CCDC73: variants seen among roughly 807,000 people sequenced by gnomAD.
CCDC73 encodes the protein coiled-coil domain-containing protein 73.
Under a neutral mutation model 116.5 loss-of-function variants are expected in CCDC73, and 95 were observed. That is an observed-to-expected ratio of 0.82 (90% CI 0.69 to 0.97). CCDC73 has a LOEUF of 0.97. CCDC73 is among the 50% of genes least tolerant of loss of function. CCDC73 has a pLI of 0.00. For missense variants in CCDC73, 1,066 were observed against 1,206.8 expected (o/e 0.88, Z 1.73); for synonymous variants, 398 against 401.3 (o/e 0.99, Z 0.10).
At chr11:32,665,511 G>A (rs1041986389) in intron 9 of CCDC73, among the ~76,000 whole-genome samples, 1 of 152,044 alleles carries the variant, frequency 6.6e-6, no homozygotes, top group Admixed American at 6.6e-5. Flanking sequence ...CATTTGCTTG[G>A]TAGATCTTCC....
At chr11:32,743,622 C>T (rs559063185) in intron 2 of CCDC73, among the ~76,000 whole-genome samples, 30 of 152,314 alleles carry the variant, frequency 2.0e-4, no homozygotes, top group Non-Finnish European at 4.1e-4. Context: ...AGGTCCTTCA[C>T]ATCCCTTGTA....
chr11:32,811,366 T>C, the CCDC73 span, among the ~76,000 whole-genome samples: 1 of 152,134 alleles, frequency 6.6e-6, no homozygotes, highest in Non-Finnish European at 1.5e-5. Context: ...ATAATAAACA[T>C]ACATGTTCCT....
chr11:32,696,138 C>A (rs1279930281), intron 6 of CCDC73, among the ~76,000 whole-genome samples: 3 of 152,034 alleles, frequency 2.0e-5, no homozygotes, highest in African/African-American at 7.2e-5. Context: ...GGATTATCAA[C>A]CTCAACTTCT....
intron 16 of CCDC73, 24 bp downstream of exon 16, chr11:32,613,398 T>G: frequency 6.5e-7 from 1 of 1,537,088 alleles, no homozygotes; most frequent in African/African-American, 1.4e-5. Flanking sequence ...TTTTGAGAAT[T>G]AAAACATTAC....
intron 2 of CCDC73, among the ~76,000 whole-genome samples, chr11:32,724,135 T>C (rs183656733): frequency 1.2e-3 from 183 of 152,238 alleles, no homozygotes; most frequent in African/African-American, 4.2e-3. Context: ...TTTAATTTTA[T>C]GGGGTATTGA....
At chr11:32,800,963 A>G in the CCDC73 span, among the ~76,000 whole-genome samples, 7 of 152,198 alleles carry the variant, frequency 4.6e-5, no homozygotes, top group Admixed American at 1.3e-4. Flanking sequence ...TAGGAAGTCA[A>G]GAGATGGAGG....
intron 1 of CCDC73, among the ~76,000 whole-genome samples, chr11:32,766,755 A>T (rs77150067): frequency 0.57 from 85,641 of 151,362 alleles, 24,530 homozygotes; most frequent in East Asian, 0.84. Flanking sequence ...TAGGAATCCA[A>T]CTTACAAGGG....
chr11:32,814,288 A>G, the CCDC73 span, among the ~76,000 whole-genome samples: 1 of 152,200 alleles, frequency 6.6e-6, no homozygotes, highest in Non-Finnish European at 1.5e-5. Flanking sequence ...GACGGGCCCT[A>G]CTAATTTCCA....
intron 4 of CCDC73, 21 bp from the exon 5 acceptor site, chr11:32,700,847 T>G (rs1369182496): frequency 7.2e-7 from 1 of 1,379,610 alleles, no homozygotes; most frequent in African/African-American, 1.5e-5. Flanking sequence ...ATTTTAAAAA[T>G]TAAAATAAAG....
At chr11:32,809,966 T>C in the CCDC73 span, among the ~76,000 whole-genome samples, 1 of 152,230 alleles carries the variant, frequency 6.6e-6, no homozygotes, top group Non-Finnish European at 1.5e-5. Context: ...GCTTCAGACA[T>C]AGGTAATAAT....
chr11:32,815,492 C>T, the CCDC73 span, among the ~76,000 whole-genome samples: 6 of 152,124 alleles, frequency 3.9e-5, no homozygotes, highest in Non-Finnish European at 7.4e-5. Context: ...TGAGCCACTG[C>T]GCCCAGCCTA....
At chr11:32,699,412 TA>T (rs1302900735) in intron 5 of CCDC73, 87 bp from the exon 6 acceptor site, 1 of 1,283,634 alleles carries the variant, frequency 7.8e-7, no homozygotes. Flanking sequence ...ACCCTTTAAG[TA>T]AAAAACTGTA....
At chr11:32,733,360 C>T (rs1342191546) in intron 2 of CCDC73, among the ~76,000 whole-genome samples, 4 of 152,158 alleles carry the variant, frequency 2.6e-5, no homozygotes, top group Non-Finnish European at 5.9e-5. Context: ...GACAGATCAA[C>T]AAAACAGAAA....
chr11:32,706,447 A>G (rs943440816), intron 3 of CCDC73, among the ~76,000 whole-genome samples: 2 of 152,214 alleles, frequency 1.3e-5, no homozygotes, highest in Admixed American at 6.5e-5. Flanking sequence ...TAAAATAACT[A>G]AATGTTCCCA....
chr11:32,759,979 T>G, intron 2 of CCDC73, 130 bp downstream of exon 2: 1 of 734,050 alleles, frequency 1.4e-6, no homozygotes, highest in Non-Finnish European at 2.3e-6. Flanking sequence ...CTCTTTTACT[T>G]CATTAATTGG....
intron 2 of CCDC73, among the ~76,000 whole-genome samples, chr11:32,742,895 C>T (rs1319850069): frequency 2.6e-5 from 4 of 152,166 alleles, no homozygotes; most frequent in Non-Finnish European, 5.9e-5. Flanking sequence ...TTTCCCAACA[C>T]TATTTATTAA....
At chr11:32,626,678 C>G (rs1855577224) in intron 14 of CCDC73, among the ~76,000 whole-genome samples, 1 of 152,156 alleles carries the variant, frequency 6.6e-6, no homozygotes, top group South Asian at 2.1e-4. Context: ...TGCCACATAT[C>G]TACAACTATC....
intron 13 of CCDC73, among the ~76,000 whole-genome samples, chr11:32,636,396 G>C (rs1335883199): frequency 6.6e-6 from 1 of 152,024 alleles, no homozygotes; most frequent in Admixed American, 6.5e-5. Context: ...TGACATGTCA[G>C]CCGTATATTT....
the CCDC73 span, among the ~76,000 whole-genome samples, chr11:32,828,066 G>A: frequency 6.6e-6 from 1 of 152,134 alleles, no homozygotes; most frequent in Non-Finnish European, 1.5e-5. Flanking sequence ...TGGAAGAAGG[G>A]AAAGGAAAAG....
Sources: gnomAD v4.1 joint callset for allele counts (sites outside exome capture counted in the v4.1 genomes callset) on GRCh38, gnomAD v4.1.1 for gene constraint, MANE v1.5 for transcripts, NCBI Gene and HGNC (gene_info 2026-07-23, HGNC 2026-07-21) for gene names.